Variants in CYP26B1 observed in about 807,000 individuals in gnomAD.
The protein encoded by CYP26B1 is cytochrome P450 26B1.
CYP26B1 carries 8 observed loss-of-function variants against 39.1 expected under a neutral mutation model. The ratio of observed to expected loss-of-function variants is 0.20; its 90% CI spans 0.12 to 0.37. The LOEUF is 0.37. CYP26B1 is among the 10% of genes least tolerant of loss of function. The pLI, the probability that CYP26B1 is intolerant of heterozygous loss-of-function variation, is 1.00. For synonymous variants in CYP26B1, 321 were observed against 314.3 expected (o/e 1.02, Z -0.23); for missense variants, 615 against 707.0 (o/e 0.87, Z 1.48).
In CYP26B1 at chr2:72,135,315, G is replaced by A. The variant is rs756114855; in HGVS notation, c.534C>T (p.Ala178=). Residue 178 remains alanine, a synonymous_variant, in exon 3 of 6, where the codon GCC becomes GCT. Coordinates refer to ENST00000001146, the MANE Select transcript of CYP26B1 (RefSeq NM_019885.4). ...TLRAWSSHPE[A]INVYQEAQKL... is the part of the protein sequence containing the mutation. ...TCTGCGCCTCCTGGTACACGTTGAT[G>A]GCCTCGGGGTGGCTGCTCCAGGCGC... is the stretch of plus-strand genomic sequence containing the variant. 2.0e-5 allele frequency: 33 copies of A among 1,613,964 alleles called. No individual in the cohort carries two copies. The East Asian group carries it at 6.5e-4, about 32-fold the overall frequency.
chr2:72,143,373 G>C (rs905682123), intron 2 of CYP26B1, among the ~76,000 whole-genome samples: 7 of 151,456 alleles, frequency 4.6e-5, no homozygotes, highest in East Asian at 2.0e-4. Flanking sequence ...TCCTCTTTCG[G>C]GGGGGGGTGG....
intron 2 of CYP26B1, among the ~76,000 whole-genome samples, chr2:72,136,350 C>A (rs545680901): frequency 6.6e-6 from 1 of 152,218 alleles, no homozygotes; most frequent in Non-Finnish European, 1.5e-5. Context: ...ACTGCCCCCC[C>A]AAACACAACC....
intron 2 of CYP26B1, 144 bp from the exon 3 acceptor site, chr2:72,135,563 C>G (rs968724098): frequency 2.3e-5 from 29 of 1,239,210 alleles, no homozygotes; most frequent in Non-Finnish European, 3.3e-5. Context: ...GGCAGGCCAG[C>G]TGCCAGCAAG....
intron 1 of CYP26B1, among the ~76,000 whole-genome samples, chr2:72,145,149 G>A (rs1553458160): frequency 6.6e-6 from 1 of 152,212 alleles, no homozygotes; most frequent in Non-Finnish European, 1.5e-5. Context: ...CGCCCCGCCT[G>A]CCAGCCCACG....
Position 72,132,094 on chromosome 2 carries a change from G to T in CYP26B1, c.*133C>A. On this transcript the variant is annotated 3_prime_UTR_variant, in exon 6 of 6. Coordinates refer to ENST00000001146, the MANE Select transcript of CYP26B1 (RefSeq NM_019885.4). ...CTGGCTTTGGGTAGGGTTTGCCAGG[G>T]AGGGGGAGCAAGGGAGGGCAAGTAT... 1 of 1,057,034 alleles carries T rather than the reference G, an allele frequency of 9.5e-7. No individual in the cohort carries two copies. The highest frequency in any genetic ancestry group is 1.6e-5 in the African/African-American group (1 of 62,982). 65.5% of individuals were successfully genotyped at this position (1,057,034 alleles called of 1,614,324 possible). A position where few individuals can be genotyped will look rare whatever the true frequency, so the allele number is the denominator to read the frequency against.
Position 72,136,364 on chromosome 2 carries a change from G to A in CYP26B1, c.430-945C>T, listed in dbSNP as rs1302089067. 2.0e-5 allele frequency among the ~76,000 whole-genome samples: 3 copies of A among 152,192 alleles called. No homozygotes were observed. The East Asian group carries it at 5.8e-4, about 29-fold the overall frequency. ...TACTGCCCCCCCAAACACAACCACC[G>A]CATAAACTGTAAATGTGAGAATTTC... is the stretch of plus-strand genomic sequence containing the variant. On this transcript the variant is annotated intron_variant, in intron 2 of 5. Transcript: ENST00000001146.
At chr2:72,144,598 G>T in intron 1 of CYP26B1, 1 of 727,340 alleles carries the variant, frequency 1.4e-6, no homozygotes, top group Non-Finnish European at 1.7e-6. Context: ...CCGGGCCACG[G>T]GCTGGCGAGA....
In CYP26B1 at chr2:72,135,215, C is replaced by T; in HGVS notation, c.634G>A (p.Glu212Lys). The stretch of plus-strand genomic sequence containing the variant: ...TTGTCCACAAACTGCTGGTAGACCT[C>T]AAAGAGGTGCCCAAGGTCCTCCTCA... ...IPEEDLGHLF[E>K]VYQQFVDNVF... The change falls in exon 3 of 6, where the codon GAG becomes AAG. Residue 212 changes from glutamate (E) to lysine (K), a missense_variant. Glu to Lys is a moderately conservative substitution (Grantham distance 56). Transcript: ENST00000001146. The T allele has an allele frequency of 6.2e-7, 1 of 1,614,050 alleles. No homozygotes were observed. The highest frequency in any genetic ancestry group is 8.5e-7 in the Non-Finnish European group (1 of 1,180,026).
chr2:72,132,079 G>A lies in CYP26B1; in HGVS notation c.*148C>T. On this transcript the variant is annotated 3_prime_UTR_variant, in exon 6 of 6. Coordinates refer to ENST00000001146, the MANE Select transcript of CYP26B1 (RefSeq NM_019885.4). ...TAGGAATGGGGCCCACTGGCTTTGGGTAGGGTTTGCCAGGGAGGGGGAGCA... is the reference window on the plus strand; with the variant it reads ...TAGGAATGGGGCCCACTGGCTTTGGATAGGGTTTGCCAGGGAGGGGGAGCA... 1 of 913,274 alleles carries A rather than the reference G, an allele frequency of 1.1e-6. No individual in the cohort carries two copies. The highest frequency in any genetic ancestry group is 1.6e-6 in the Non-Finnish European group (1 of 609,028). The allele number at this position is 913,274 out of a possible 1,614,324, so 56.6% of individuals were successfully genotyped here. A position where few individuals can be genotyped will look rare whatever the true frequency, so the allele number is the denominator to read the frequency against.
Position 72,135,751 on chromosome 2 carries a change from G to C in CYP26B1, c.430-332C>G, listed in dbSNP as rs181368915. Reference sequence around the variant, plus strand: ...CAGGGAAGTAGGGGAAGGCCATCGAGGGAAAGCTACTCCATGGGGTACAGC... The same window carrying C: ...CAGGGAAGTAGGGGAAGGCCATCGACGGAAAGCTACTCCATGGGGTACAGC... On this transcript the variant is annotated intron_variant, in intron 2 of 5. Transcript: ENST00000001146. Among the ~76,000 whole-genome samples, 1,123 of 152,274 alleles carry C rather than the reference G, an allele frequency of 7.4e-3. 21 individuals are homozygous for C. Among genetic ancestry groups the C allele is most frequent in the Non-Finnish European group, 0.011 (718 of 68,016 alleles).
Position 72,132,187 on chromosome 2 carries a change from C to T in CYP26B1, c.*40G>A, listed in dbSNP as rs778170378. 49 of 1,577,074 alleles carry T rather than the reference C, an allele frequency of 3.1e-5. No homozygotes were observed. The highest frequency in any genetic ancestry group is 4.0e-5 in the Non-Finnish European group (47 of 1,161,986). ...AGGTTTCTACCTCCCACAACCACCA[C>T]CCCGCTGCCTGGGCTGGGCTGAGGC... On this transcript the variant is annotated 3_prime_UTR_variant, in exon 6 of 6. Coordinates refer to ENST00000001146, the MANE Select transcript of CYP26B1 (RefSeq NM_019885.4).
intron 2 of CYP26B1, among the ~76,000 whole-genome samples, chr2:72,138,327 C>T (rs770886074): frequency 2.7e-4 from 41 of 152,242 alleles, no homozygotes; most frequent in African/African-American, 3.4e-4. Flanking sequence ...AAAGGATGGG[C>T]GGAGGCAGAG....
rs368213032 is a variant in CYP26B1, at chr2:72,147,617, G to A, written c.204+14C>T. The stretch of plus-strand genomic sequence containing the variant: ...AGCGGACCCCGGAGTGCAGCGGAGC[G>A]AGCGCGCCCTTACCTGCAGCAGCCA... On this transcript the variant is annotated intron_variant, in intron 1 of 5. Transcript: ENST00000001146. The surrounding 1 kb of genome is among the most constrained non-coding windows in gnomAD (Gnocchi z 6.1). 81 of 1,603,414 alleles carry A rather than the reference G, an allele frequency of 5.1e-5. No individual in the cohort carries two copies. The African/African-American group carries it at 9.4e-4, about 19-fold the overall frequency.
intron 2 of CYP26B1, among the ~76,000 whole-genome samples, chr2:72,137,431 C>G (rs913829956): frequency 6.6e-6 from 1 of 152,238 alleles, no homozygotes; most frequent in Non-Finnish European, 1.5e-5. Flanking sequence ...CCACCTGCCC[C>G]TAAGCAGATG....
At chr2:72,137,872 C>A (rs1249970097) in intron 2 of CYP26B1, among the ~76,000 whole-genome samples, 1 of 152,188 alleles carries the variant, frequency 6.6e-6, no homozygotes, top group African/African-American at 2.4e-5. Flanking sequence ...CACCTGCAGG[C>A]CCCTGAGGCT....
chr2:72,136,922 C>T lies in CYP26B1; in HGVS notation c.430-1503G>A, dbSNP rs1270985328. On this transcript the variant is annotated intron_variant, in intron 2 of 5. Transcript: ENST00000001146. ...GGGCCCCTTACAGATAGCAGAGAGC[C>T]ACTGGGTGGGCAGAGAGTAGCACAC... Among the ~76,000 whole-genome samples the T allele has an allele frequency of 4.9e-4, 74 of 152,190 alleles. 3 individuals carry two copies. The highest frequency in any genetic ancestry group is 4.8e-3 in the Admixed American group (74 of 15,288).
Position 72,144,683 on chromosome 2 carries a change from TG to T in CYP26B1, c.205-471del, listed in dbSNP as rs770824996. Among the ~76,000 whole-genome samples the T allele has an allele frequency of 8.2e-3, 1,244 of 152,176 alleles. 13 individuals are homozygous for T. Among genetic ancestry groups the T allele is most frequent in the Non-Finnish European group, 0.014 (963 of 67,976 alleles). On this transcript the variant is annotated intron_variant, in intron 1 of 5. Transcript: ENST00000001146. ...GGTGCCCGGAGGCAGCAACTACAGA[TG>T]GGGGTTGGAGTTTCCTCCGCTCTCC...
In CYP26B1 at chr2:72,132,527, G is replaced by C. The variant is rs1676621751; in HGVS notation, c.1239C>G (p.Asp413Glu). ...APVFKDVNVF[D>E]PDRFSQARSE... is the part of the protein sequence containing the mutation. ...TCCGCGCCTGGCTGAAGCGATCGGG[G>C]TCGAACACGTTCACGTCTTTGAACA... The change falls in exon 6 of 6, where the codon GAC (aspartate) becomes GAG (glutamate). Residue 413 changes from aspartate (D) to glutamate (E), a missense_variant. Transcript: ENST00000001146. 6.2e-7 allele frequency: 1 copy of C among 1,610,404 alleles called. No individual in the cohort carries two copies. Among genetic ancestry groups the C allele is most frequent in the Non-Finnish European group, 8.5e-7 (1 of 1,177,460 alleles).
intron 1 of CYP26B1, among the ~76,000 whole-genome samples, chr2:72,145,791 C>T (rs1013313170): frequency 1.3e-5 from 2 of 152,064 alleles, no homozygotes. Context: ...GCCGTTTCCA[C>T]GGTCTTCACA....
Sources: allele counts gnomAD v4.1 joint callset (sites outside exome capture counted in the v4.1 genomes callset), GRCh38; gene constraint gnomAD v4.1.1; non-coding constraint Gnocchi (gnomAD v3.1); transcripts MANE v1.5; gene names NCBI Gene and HGNC (gene_info 2026-07-23, HGNC 2026-07-21).